Variants in DST observed in about 807,000 individuals in gnomAD.
DST encodes dystonin, also known as bullous pemphigoid antigen.
In DST, 253 loss-of-function variants were observed where a neutral mutation model predicts 875.2. The observed-to-expected ratio is 0.29, with a 90% confidence interval of 0.26 to 0.32. The LOEUF (loss-of-function observed/expected upper bound fraction) is 0.32. Ranked by LOEUF, DST falls within the 10% of genes least tolerant of loss-of-function variation. The pLI, the probability that DST is intolerant of heterozygous loss-of-function variation, is 1.00. For synonymous variants in DST, 3,124 were observed against 3,197.1 expected, an observed-to-expected ratio of 0.98 and a Z score of 0.77; for missense variants, 8,287 against 9,111.6, an observed-to-expected ratio of 0.91 and a Z score of 3.68.
At chr6:56,669,729 G>C (rs569356953) in intron 10 of DST, among the ~76,000 whole-genome samples, 2 of 152,082 alleles carry the variant, frequency 1.3e-5, no homozygotes, top group Non-Finnish European at 2.9e-5. Flanking sequence ...TCTGCCACTC[G>C]CTGGCTGTAT....
At chr6:56,569,325 G>GAAAAAAAAAAAAAAAAAAAAAAA in intron 54 of DST, among the ~76,000 whole-genome samples, 1 of 94,812 alleles carries the variant, frequency 1.1e-5, no homozygotes, top group Non-Finnish European at 2.1e-5. Flanking sequence ...ACTCTGTCTC[G>GAAAAAAAAAAAAAAAAAAAAAAA]AAAAAAAAAA....
intron 4 of DST, among the ~76,000 whole-genome samples, chr6:56,748,928 C>A (rs951865631): frequency 1.4e-4 from 22 of 152,074 alleles, no homozygotes; most frequent in Admixed American, 1.2e-3. Flanking sequence ...AAAAGAAAAA[C>A]CAAAATAAAA....
chr6:56,876,601 G>C (rs1779745181), intron 3 of DST, among the ~76,000 whole-genome samples: 1 of 152,158 alleles, frequency 6.6e-6, no homozygotes, highest in Admixed American at 6.5e-5. Flanking sequence ...GAGCTATCAA[G>C]TCCACCCTCT....
rs920567190 is a variant in DST at position 56,509,591 on chromosome 6, A to G, written c.19012+51T>C. ...TCCAATTGGACGGTGAGTAAACCGC[A>G]TAAACATTTAGAATGCTTTAAAATT... On this transcript the variant is annotated intron_variant, in intron 74 of 103. Transcript: ENST00000680361. 2.1e-6 allele frequency: 3 copies of G among 1,408,072 alleles called. No homozygotes were observed. The East Asian group carries it at 6.9e-5, about 32-fold the overall frequency. The allele number at this position is 1,408,072 out of a possible 1,614,324, so 87.2% of individuals were successfully genotyped here.
At chr6:56,634,709 G>A in intron 25 of DST, 92 bp downstream of exon 25, 1 of 1,602,030 alleles carries the variant, frequency 6.2e-7, no homozygotes, top group Non-Finnish European at 8.6e-7. Context: ...TTATGAGGCG[G>A]GAAATCTTGA....
intron 7 of DST, among the ~76,000 whole-genome samples, chr6:56,702,669 T>C (rs2099314619): frequency 6.6e-6 from 1 of 152,174 alleles, no homozygotes; most frequent in Non-Finnish European, 1.5e-5. Context: ...AAGTGACAGA[T>C]GAGAATTATT....
intron 72 of DST, among the ~76,000 whole-genome samples, chr6:56,514,606 C>CACACACAA (rs1554275995): frequency 0.11 from 16,675 of 146,330 alleles, 1,099 homozygotes; most frequent in Non-Finnish European, 0.16. Context: ...CACACACACA[C>CACACACAA]ACACACCCCC....
intron 2 of DST, among the ~76,000 whole-genome samples, chr6:56,916,797 CACACACACACACACACACACACACACAG>C (rs1801327581): frequency 6.8e-6 from 1 of 146,722 alleles, no homozygotes; most frequent in Non-Finnish European, 1.5e-5. Context: ...CACACACACA[CACACACACACACACACACACACACACAG>C]AGAGACAGAG....
intron 4 of DST, among the ~76,000 whole-genome samples, chr6:56,781,311 G>T (rs1053661262): frequency 2.0e-5 from 3 of 152,124 alleles, no homozygotes; most frequent in Non-Finnish European, 4.4e-5. Flanking sequence ...ACTACCTTGG[G>T]CAGTATGGCC....
Position 56,555,385 on chromosome 6 carries a change from T to C in DST, c.15096A>G (p.Glu5032=). 6.2e-7 allele frequency: 1 copy of C among 1,607,280 alleles called. No homozygotes were observed. Among genetic ancestry groups the C allele is most frequent in the East Asian group, 2.2e-5 (1 of 44,780 alleles). Residue 5032 remains glutamate (E), a synonymous_variant, in exon 60 of 104, where the codon GAA becomes GAG. Transcript: ENST00000680361. ...CATCCTTAAATGATTTTAAGATGCC[T>C]TCTAGTTGCCTACTAAGTTCTGCTT... The part of the protein sequence containing the change: ...YLKAELSRQL[E]GILKSFKDVE...
At position 56,606,328 on chromosome 6, in the gene DST, C is replaced by T. The variant is rs775815850; in HGVS notation, c.8300G>A (p.Gly2767Glu). 1.2e-6 allele frequency: 2 copies of T among 1,611,646 alleles called. No individual in the cohort carries two copies. The highest frequency in any genetic ancestry group is 3.4e-5 in the Admixed American group (2 of 59,598). The stretch of plus-strand genomic sequence containing the variant: ...TCCAGTTACATACTCTTCCTTTCTT[C>T]CTCTCCAACTGCCACTGTCATCAAA... Reference protein sequence around the residue: ...LKFDDSGSWRGRKEEYVTGQE... With the variant: ...LKFDDSGSWRERKEEYVTGQE... The change falls in exon 40 of 104, where the codon GGA becomes GAA. Residue 2767 changes from glycine (G) to glutamate (E), a missense_variant. Coordinates refer to ENST00000680361, the MANE Select transcript of DST (RefSeq NM_001374736.1).
intron 8 of DST, among the ~76,000 whole-genome samples, chr6:56,700,978 T>C (rs1588857572): frequency 7.0e-6 from 1 of 142,864 alleles, no homozygotes. Flanking sequence ...CTTTTTCTCT[T>C]GCCTTTTTTT....
At chr6:56,795,460 A>T (rs1469842891) in intron 4 of DST, among the ~76,000 whole-genome samples, 1 of 152,196 alleles carries the variant, frequency 6.6e-6, no homozygotes, top group Non-Finnish European at 1.5e-5. Flanking sequence ...TTAATGGAAC[A>T]ATCAAGTACC....
intron 71 of DST, among the ~76,000 whole-genome samples, chr6:56,516,244 A>G (rs1419824815): frequency 6.6e-6 from 1 of 152,104 alleles, no homozygotes; most frequent in Non-Finnish European, 1.5e-5. Context: ...CCATTGTGCT[A>G]TACACGGATT....
intron 4 of DST, among the ~76,000 whole-genome samples, chr6:56,756,159 T>C (rs1187306522): frequency 6.6e-6 from 1 of 152,186 alleles, no homozygotes; most frequent in Non-Finnish European, 1.5e-5. Flanking sequence ...CAGGGGGCTC[T>C]TGACCCACTC....
At chr6:56,618,268 T>C (rs533595399) in intron 36 of DST, 1 of 1,614,092 alleles carries the variant, frequency 6.2e-7, no homozygotes, top group South Asian at 1.1e-5. Context: ...GCCACTTCTC[T>C]TCCAATGGCT....
intron 89 of DST, chr6:56,482,426 C>G: frequency 1.9e-6 from 1 of 517,428 alleles, no homozygotes; most frequent in East Asian, 3.3e-5. Flanking sequence ...AGATGAATGG[C>G]AGTCCATCAT....
At position 56,466,000 on chromosome 6, in the gene DST, G is replaced by A. The variant is rs2094562627; in HGVS notation, c.22687+78C>T. Reference sequence around the variant, plus strand: ...TATTGGAATAAATGACCAAAATTATGCCCAGTATGTTTTGGTGCTGGATAT... The same window carrying A: ...TATTGGAATAAATGACCAAAATTATACCCAGTATGTTTTGGTGCTGGATAT... On this transcript the variant is annotated intron_variant, in intron 99 of 103. Coordinates refer to ENST00000680361, the MANE Select transcript of DST (RefSeq NM_001374736.1). 15 of 1,164,696 alleles carry A rather than the reference G, an allele frequency of 1.3e-5. No individual in the cohort carries two copies. In the East Asian group the frequency reaches 3.6e-4, roughly 28 times the overall value. 72.1% of individuals were successfully genotyped at this position (1,164,696 alleles called of 1,614,324 possible). A position where few individuals can be genotyped will look rare whatever the true frequency, so the allele number is the denominator to read the frequency against.
In DST at chr6:56,652,272, T is replaced by C. The variant is rs79125441; in HGVS notation, c.1215-1028A>G. Among the ~76,000 whole-genome samples, 1,468 of 152,260 alleles carry C rather than the reference T, an allele frequency of 9.6e-3. 16 individuals carry two copies. The highest frequency in any genetic ancestry group is 0.033 in the African/African-American group (1,380 of 41,532). On this transcript the variant is annotated intron_variant, in intron 10 of 103. Transcript: ENST00000680361. The stretch of plus-strand genomic sequence containing the variant: ...TAGAGAAAGTGGCAAAATATGGACA[T>C]TGGAGACTTCACTCAAGGCTAGAAG...
Sources: gnomAD v4.1 joint callset for allele counts (sites outside exome capture counted in the v4.1 genomes callset) on GRCh38, gnomAD v4.1.1 for gene constraint, MANE v1.5 for transcripts, NCBI Gene and HGNC (gene_info 2026-07-23, HGNC 2026-07-21) for gene names.